Variants in SDK1 observed in about 807,000 individuals in gnomAD.
The protein encoded by SDK1 is sidekick cell adhesion molecule 1, also known as protein sidekick-1.
A neutral mutation model predicts 245.5 loss-of-function variants in SDK1; 157 were observed. The observed-to-expected ratio is 0.64, with a 90% CI of 0.56 to 0.73. The LOEUF (loss-of-function observed/expected upper bound fraction) is 0.73, where lower values mean the gene tolerates loss of function less well. Among genes scored for constraint, SDK1 ranks in the 30% least tolerant of loss-of-function variants. SDK1 has a pLI of 0.00. For missense variants in SDK1, 3,583 were observed against 3,002.3 expected (o/e 1.19, Z -4.52); for synonymous variants, 1,647 against 1,278.5 (o/e 1.29, Z -6.15).
intron 4 of SDK1, among the ~76,000 whole-genome samples, chr7:3,660,600 C>T (rs759659815): frequency 5.3e-5 from 8 of 152,116 alleles, no homozygotes; most frequent in Non-Finnish European, 1.0e-4. Flanking sequence ...TCCTGTTTCA[C>T]GCCCCAACAT....
intron 1 of SDK1, among the ~76,000 whole-genome samples, chr7:3,329,224 C>G (rs1345122544): frequency 6.6e-6 from 1 of 152,054 alleles, no homozygotes; most frequent in African/African-American, 2.4e-5. Flanking sequence ...TTTAAGCTCC[C>G]AAAACTCTTG....
chr7:3,832,713 G>T (rs911839096), intron 5 of SDK1, among the ~76,000 whole-genome samples: 2 of 152,170 alleles, frequency 1.3e-5, no homozygotes, highest in African/African-American at 4.8e-5. Context: ...GATTCTTTCT[G>T]TGTGTTCTAA....
chr7:3,892,212 C>T (rs1781477748), intron 5 of SDK1, among the ~76,000 whole-genome samples: 1 of 152,198 alleles, frequency 6.6e-6, no homozygotes, highest in Non-Finnish European at 1.5e-5. Context: ...TCTGTATTAG[C>T]TTTTGCTGCA....
chr7:4,038,099 G>A (rs1051852896), intron 17 of SDK1, among the ~76,000 whole-genome samples: 8 of 152,256 alleles, frequency 5.3e-5, no homozygotes, highest in East Asian at 1.9e-4. Flanking sequence ...CCTGACCAAG[G>A]TGACACCCCT....
At chr7:3,364,793 A>G (rs374330368) in intron 1 of SDK1, among the ~76,000 whole-genome samples, 3 of 152,068 alleles carry the variant, frequency 2.0e-5, no homozygotes, top group East Asian at 3.9e-4. Context: ...TTTAGCATAC[A>G]CTTTTCTGTA....
chr7:4,017,507 C>G (rs1220953426), intron 17 of SDK1, among the ~76,000 whole-genome samples, 155 bp downstream of exon 17: 1 of 152,176 alleles, frequency 6.6e-6, no homozygotes, highest in Non-Finnish European at 1.5e-5. Flanking sequence ...TGGGATCTCT[C>G]CAGCTATTCC....
At chr7:4,229,646 C>T (rs1448674937) in intron 40 of SDK1, among the ~76,000 whole-genome samples, 1 of 152,016 alleles carries the variant, frequency 6.6e-6, no homozygotes, top group East Asian at 1.9e-4. Flanking sequence ...TCAGAGAATC[C>T]ACTCCGGAGG....
intron 1 of SDK1, among the ~76,000 whole-genome samples, chr7:3,566,766 A>T (rs938269248): frequency 3.9e-5 from 6 of 152,170 alleles, no homozygotes; most frequent in Middle Eastern, 3.4e-3. Context: ...GAAAAATAAG[A>T]GATATGACCA....
rs527567234 is a variant in SDK1, at chr7:3,378,050, A to G, written c.298+76166A>G. ...TGCCTCGGCTTCCCAAAGTGCTGGGATTACAGGCATGAACCACTGCGCCGG... is the reference window on the plus strand; with the variant it reads ...TGCCTCGGCTTCCCAAAGTGCTGGGGTTACAGGCATGAACCACTGCGCCGG... On this transcript the variant is annotated intron_variant, in intron 1 of 44. Transcript: ENST00000404826. 3.3e-5 allele frequency among the ~76,000 whole-genome samples: 5 copies of G among 152,274 alleles called. No homozygotes were observed. The South Asian group carries it at 6.2e-4, about 19-fold the overall frequency.
chr7:3,779,891 C>T (rs533017383), intron 4 of SDK1, among the ~76,000 whole-genome samples: 13 of 148,632 alleles, frequency 8.7e-5, no homozygotes, highest in African/African-American at 3.3e-4. Context: ...GAGATTGCAC[C>T]ACTGCAGTCC....
intron 5 of SDK1, among the ~76,000 whole-genome samples, chr7:3,894,767 C>T (rs1482375936): frequency 4.7e-5 from 7 of 148,004 alleles, no homozygotes; most frequent in South Asian, 4.3e-4. Context: ...GATGCAATCT[C>T]GGTTCACTGC....
chr7:3,874,581 G>C (rs1389865461), intron 5 of SDK1, among the ~76,000 whole-genome samples: 1 of 152,078 alleles, frequency 6.6e-6, no homozygotes, highest in Non-Finnish European at 1.5e-5. Context: ...TCCCTTCCAG[G>C]GGTAGAACTC....
At chr7:3,340,765 T>TGAA (rs1780326260) in intron 1 of SDK1, among the ~76,000 whole-genome samples, 1 of 56,528 alleles carries the variant, frequency 1.8e-5, no homozygotes, top group Admixed American at 1.6e-4. Flanking sequence ...AGACCCCGTC[T>TGAA]CAAAAAAAAA....
intron 2 of SDK1, among the ~76,000 whole-genome samples, chr7:3,638,120 C>T (rs1397989715): frequency 1.3e-5 from 2 of 152,318 alleles, no homozygotes; most frequent in African/African-American, 4.8e-5. Flanking sequence ...GTTATATCTC[C>T]TGTGTGCATG....
intron 40 of SDK1, among the ~76,000 whole-genome samples, chr7:4,232,364 C>CT (rs34525808): frequency 0.31 from 34,391 of 112,010 alleles, 4,623 homozygotes; most frequent in Non-Finnish European, 0.33. Flanking sequence ...TTTTTTCTTT[C>CT]TTTTTTTTTT....
At position 3,507,453 on chromosome 7, in the gene SDK1, C is replaced by T. The variant is rs117542932; in HGVS notation, c.299-111627C>T. Among the ~76,000 whole-genome samples the T allele has an allele frequency of 5.8e-3, 878 of 152,184 alleles. 4 individuals are homozygous for T. Among genetic ancestry groups the T allele is most frequent in the Non-Finnish European group, 8.5e-3 (580 of 68,000 alleles). Reference sequence around the variant, plus strand: ...CCTACAGCATGGTGCAGTAAATGCTCGGAATAATAGTCTAGTGTCAGGAAA... The same window carrying T: ...CCTACAGCATGGTGCAGTAAATGCTTGGAATAATAGTCTAGTGTCAGGAAA... On this transcript the variant is annotated intron_variant, in intron 1 of 44. Coordinates refer to ENST00000404826, the MANE Select transcript of SDK1 (RefSeq NM_152744.4).
chr7:4,233,238 C>G lies in SDK1; in HGVS notation c.5828-17C>G. 5 of 1,608,180 alleles carry G rather than the reference C, an allele frequency of 3.1e-6. No homozygotes were observed. The highest frequency in any genetic ancestry group is 4.3e-6 in the Non-Finnish European group (5 of 1,176,230). ...GCACTTCTAACCTCTGCTCTCGCCT[C>G]CCCATCCCTCTTGCAGATGAAGGCT... On this transcript the variant is annotated splice_polypyrimidine_tract_variant and intron_variant, in intron 40 of 44. Transcript: ENST00000404826.
Position 3,932,705 on chromosome 7 carries a change from G to A in SDK1, c.848-18218G>A, listed in dbSNP as rs73674351. Reference sequence around the variant, plus strand: ...AATTCCTCTCCAGTTGTGAATTATCGTTCTTCACTATCAAAGCATCCCTGT... The same window carrying A: ...AATTCCTCTCCAGTTGTGAATTATCATTCTTCACTATCAAAGCATCCCTGT... On this transcript the variant is annotated intron_variant, in intron 5 of 44. Transcript: ENST00000404826. Among the ~76,000 whole-genome samples, 825 of 152,270 alleles carry A rather than the reference G, an allele frequency of 5.4e-3. 7 individuals are homozygous for A. The highest frequency in any genetic ancestry group is 0.018 in the African/African-American group (760 of 41,530).
intron 1 of SDK1, among the ~76,000 whole-genome samples, chr7:3,450,958 C>T (rs142063956): frequency 7.2e-4 from 110 of 152,022 alleles, no homozygotes; most frequent in Non-Finnish European, 1.3e-3. Context: ...ATAAAGGAAA[C>T]GATAGTCATT....
Sources: allele counts gnomAD v4.1 joint callset (sites outside exome capture counted in the v4.1 genomes callset), GRCh38; gene constraint gnomAD v4.1.1; transcripts MANE v1.5; gene names NCBI Gene and HGNC (gene_info 2026-07-23, HGNC 2026-07-21).